The following CSMD1 variants were observed in gnomAD, a reference collection of about 807,000 sequenced individuals.
The protein encoded by CSMD1 is CUB and sushi domain-containing protein 1.
Under a neutral mutation model 417.5 loss-of-function variants are expected in CSMD1, and 213 were observed. The observed-to-expected ratio is 0.51, with a 90% CI of 0.46 to 0.57. The LOEUF (loss-of-function observed/expected upper bound fraction) is 0.57, where lower values mean the gene tolerates loss of function less well. CSMD1 is among the 20% of genes least tolerant of loss of function. CSMD1 has a pLI of 0.00. For missense variants in CSMD1, 6,923 were observed against 4,529.7 expected (o/e 1.53, Z -15.17); for synonymous variants, 2,862 against 1,736.8 (o/e 1.65, Z -16.11).
At chr8:2,954,006 T>A (rs1802825751) in intron 65 of CSMD1, among the ~76,000 whole-genome samples, 1 of 152,230 alleles carries the variant, frequency 6.6e-6, no homozygotes, top group Non-Finnish European at 1.5e-5. Context: ...ACACCAAAGG[T>A]TTTCTTTTTA....
chr8:3,978,679 C>T (rs1026180378), intron 5 of CSMD1, among the ~76,000 whole-genome samples: 2 of 152,088 alleles, frequency 1.3e-5, no homozygotes, highest in Non-Finnish European at 2.9e-5. Flanking sequence ...TACTCCTGCC[C>T]AACCCGGCTC....
intron 10 of CSMD1, among the ~76,000 whole-genome samples, chr8:3,524,743 G>C (rs1455019855): frequency 1.4e-5 from 2 of 147,810 alleles, no homozygotes; most frequent in African/African-American, 2.5e-5. Context: ...TGCACACCGA[G>C]ACATGTGCAC....
chr8:4,087,997 C>G (rs1800509679), intron 3 of CSMD1, among the ~76,000 whole-genome samples: 2 of 152,148 alleles, frequency 1.3e-5, no homozygotes, highest in African/African-American at 2.4e-5. Flanking sequence ...TGAAGAACGT[C>G]TAACTTTATT....
chr8:4,830,103 A>G (rs1800065020), intron 1 of CSMD1, among the ~76,000 whole-genome samples: 1 of 152,170 alleles, frequency 6.6e-6, no homozygotes, highest in Admixed American at 6.5e-5. Context: ...GAAGAGCTAC[A>G]TTCTTGGAAA....
chr8:3,959,975 C>A (rs74322053), intron 5 of CSMD1, among the ~76,000 whole-genome samples: 1 of 152,112 alleles, frequency 6.6e-6, no homozygotes, highest in South Asian at 2.1e-4. Flanking sequence ...TACGAAATAA[C>A]AAAGAGTGTG....
At chr8:4,148,760 T>A (rs574088461) in intron 3 of CSMD1, among the ~76,000 whole-genome samples, 2 of 152,050 alleles carry the variant, frequency 1.3e-5, no homozygotes, top group Non-Finnish European at 2.9e-5. Flanking sequence ...CACATCCTAA[T>A]GCCATCACCC....
intron 7 of CSMD1, among the ~76,000 whole-genome samples, chr8:3,641,122 G>T (rs936177249): frequency 7.5e-6 from 1 of 133,874 alleles, no homozygotes; most frequent in Non-Finnish European, 1.5e-5. Flanking sequence ...TGAAGTTATT[G>T]CAGAAGGTGC....
rs557178310 is a variant in CSMD1, at chr8:4,307,499, C to T, written c.415+112454G>A. Among the ~76,000 whole-genome samples, 7 of 152,300 alleles carry T rather than the reference C, an allele frequency of 4.6e-5. No individual in the cohort carries two copies. The East Asian group carries it at 1.2e-3, about 25-fold the overall frequency. Reference sequence around the variant, plus strand: ...GATATTAACAGGAAATAAAACTTCACTACCCTGTTATGTCAACCATGCCTG... The same window carrying T: ...GATATTAACAGGAAATAAAACTTCATTACCCTGTTATGTCAACCATGCCTG... On this transcript the variant is annotated intron_variant, in intron 3 of 69. Transcript: ENST00000635120.
chr8:3,034,071 C>T (rs760360490), intron 50 of CSMD1, among the ~76,000 whole-genome samples: 1 of 152,194 alleles, frequency 6.6e-6, no homozygotes, highest in Non-Finnish European at 1.5e-5. Context: ...CTGCTGCCCA[C>T]ATTGCTGGGT....
intron 6 of CSMD1, among the ~76,000 whole-genome samples, chr8:3,732,955 TTACCTACCTACCTATCTACCAACC>T (rs1796341241): frequency 6.6e-6 from 1 of 152,252 alleles, no homozygotes; most frequent in South Asian, 2.1e-4. Flanking sequence ...ATCTATCTAC[TTACCTACCTACCTATCTACCAACC>T]TACCTACCTA....
intron 3 of CSMD1, among the ~76,000 whole-genome samples, chr8:4,409,754 T>C (rs1238292781): frequency 1.3e-5 from 2 of 150,868 alleles, no homozygotes; most frequent in Non-Finnish European, 2.9e-5. Context: ...GCACAGGGCA[T>C]AACTGTTCCA....
intron 30 of CSMD1, among the ~76,000 whole-genome samples, chr8:3,213,109 G>C (rs930462974): frequency 2.0e-5 from 3 of 152,146 alleles, no homozygotes; most frequent in Non-Finnish European, 4.4e-5. Flanking sequence ...TTACAGGTGT[G>C]AGCCACGCGC....
intron 2 of CSMD1, among the ~76,000 whole-genome samples, chr8:4,557,182 G>T (rs998017025): frequency 6.6e-6 from 1 of 152,118 alleles, no homozygotes; most frequent in Non-Finnish European, 1.5e-5. Context: ...GTTAGAATTT[G>T]GTGACGGATT....
intron 41 of CSMD1, among the ~76,000 whole-genome samples, chr8:3,126,414 TAAGAA>T (rs1817514156): frequency 1.3e-5 from 2 of 152,160 alleles, no homozygotes; most frequent in African/African-American, 4.8e-5. Flanking sequence ...TGAATCACTC[TAAGAA>T]AAGGGCATTG....
At chr8:4,911,808 T>C (rs1805691784) in intron 1 of CSMD1, among the ~76,000 whole-genome samples, 2 of 152,172 alleles carry the variant, frequency 1.3e-5, no homozygotes, top group Non-Finnish European at 2.9e-5. Flanking sequence ...AGATTGGAGT[T>C]GCTCATTAAA....
At chr8:4,768,583 G>C (rs144028936) in intron 1 of CSMD1, among the ~76,000 whole-genome samples, 1 of 152,152 alleles carries the variant, frequency 6.6e-6, no homozygotes, top group East Asian at 1.9e-4. Context: ...CACGAGCTCA[G>C]AGCTGTTTCT....
At chr8:4,063,667 C>A (rs1585234188) in intron 3 of CSMD1, among the ~76,000 whole-genome samples, 1 of 152,296 alleles carries the variant, frequency 6.6e-6, no homozygotes, top group East Asian at 1.9e-4. Context: ...GAGGGGCATT[C>A]TACCAGGAAG....
chr8:3,276,904 A>G (rs988497959), intron 26 of CSMD1, among the ~76,000 whole-genome samples: 6 of 152,166 alleles, frequency 3.9e-5, no homozygotes, highest in African/African-American at 1.4e-4. Context: ...CAAGTAACTT[A>G]ATCCACTGTA....
At chr8:4,637,860 C>CG (rs1361371932) in intron 1 of CSMD1, among the ~76,000 whole-genome samples, 1 of 150,202 alleles carries the variant, frequency 6.7e-6, no homozygotes, top group Non-Finnish European at 1.5e-5. Flanking sequence ...TTAGTAGAGA[C>CG]GGGGTTTCAC....
Sources: gnomAD v4.1 joint callset for allele counts (sites outside exome capture counted in the v4.1 genomes callset) on GRCh38, gnomAD v4.1.1 for gene constraint, MANE v1.5 for transcripts, NCBI Gene and HGNC (gene_info 2026-07-23, HGNC 2026-07-21) for gene names.